The following LRRN3 variants were observed in gnomAD, a reference collection of about 807,000 sequenced individuals.
LRRN3 encodes the protein leucine-rich repeat neuronal protein 3.
Under a neutral mutation model 40.1 loss-of-function variants are expected in LRRN3, and 15 were observed. That is an observed-to-expected ratio of 0.37 (90% CI 0.25 to 0.58). The LOEUF (loss-of-function observed/expected upper bound fraction) is 0.58. LRRN3 is among the 20% of genes least tolerant of loss of function. The pLI is 0.72. For missense variants in LRRN3, 746 were observed against 837.7 expected (o/e 0.89, Z 1.35); for synonymous variants, 308 against 297.2 (o/e 1.04, Z -0.37).
rs569801545 is a variant in LRRN3 at position 111,124,787 on chromosome 7, C to T, written c.2015C>T (p.Ala672Val). 1.9e-5 allele frequency: 31 copies of T among 1,613,442 alleles called. No homozygotes were observed. Among genetic ancestry groups the T allele is most frequent in the Non-Finnish European group, 2.4e-5 (28 of 1,179,870 alleles). ...VRNYLQKPTF[A>V]LGELYPPLIN... Reference sequence around the variant, plus strand: ...AATTACTTACAGAAACCAACCTTTGCATTAGGTGAGCTTTATCCTCCTCTG... The same window carrying T: ...AATTACTTACAGAAACCAACCTTTGTATTAGGTGAGCTTTATCCTCCTCTG... The change falls in exon 3 of 3, where the codon GCA becomes GTA. Residue 672 changes from alanine to valine, a missense_variant. Coordinates refer to ENST00000308478, the MANE Select transcript of LRRN3 (RefSeq NM_001099658.2).
Position 111,122,992 on chromosome 7 carries a change from C to G in LRRN3, c.220C>G (p.Leu74Val), listed in dbSNP as rs746291660. 1 of 1,613,964 alleles carries G rather than the reference C, an allele frequency of 6.2e-7. No homozygotes were observed. The highest frequency in any genetic ancestry group is 8.5e-7 in the Non-Finnish European group (1 of 1,179,916). The change falls in exon 3 of 3, where the codon CTT (leucine) becomes GTT (valine). Residue 74 changes from leucine to valine, a missense_variant. Coordinates refer to ENST00000308478, the MANE Select transcript of LRRN3 (RefSeq NM_001099658.2). Reference sequence around the variant, plus strand: ...CAGATTGCCAGCTAACACACAGATTCTTCTCCTACAGACTAACAATATTGC... The same window carrying G: ...CAGATTGCCAGCTAACACACAGATTGTTCTCCTACAGACTAACAATATTGC... ...PARLPANTQI[L>V]LLQTNNIAKI...
chr7:111,102,229 G>A (rs931467818), intron 2 of LRRN3, among the ~76,000 whole-genome samples: 4 of 151,474 alleles, frequency 2.6e-5, no homozygotes, highest in African/African-American at 9.7e-5. Context: ...GTATTTCATA[G>A]CACATTGACT....
Position 111,124,686 on chromosome 7 carries a change from G to A in LRRN3, c.1914G>A (p.Gly638=). ...TGGCCTGTCTTGGAGGCCTTCTGGGGATTATTGGTGTGATATGTCTTATCA... is the reference window on the plus strand; with the variant it reads ...TGGCCTGTCTTGGAGGCCTTCTGGGAATTATTGGTGTGATATGTCTTATCA... ...TLMACLGGLL[G]IIGVICLISC... is the part of the protein sequence containing the mutation. Residue 638 remains glycine (G), a synonymous_variant, in exon 3 of 3, where the codon GGG becomes GGA. Coordinates refer to ENST00000308478, the MANE Select transcript of LRRN3 (RefSeq NM_001099658.2). The A allele has an allele frequency of 6.2e-7, 1 of 1,613,904 alleles. No individual in the cohort carries two copies. The highest frequency in any genetic ancestry group is 8.5e-7 in the Non-Finnish European group (1 of 1,179,942).
In LRRN3 at chr7:111,123,919, A is replaced by C; in HGVS notation, c.1147A>C (p.Lys383Gln). ...TGTCATCCGTTGGATGAACATGAAC[A>C]AAACCAACATTCGATTCATGGAGCC... is the stretch of plus-strand genomic sequence containing the variant. ...DCVIRWMNMNKTNIRFMEPDS... is the reference protein window; with the variant it reads ...DCVIRWMNMNQTNIRFMEPDS... Residue 383 changes from lysine to glutamine, a missense_variant, in exon 3 of 3, where the codon AAA (lysine) becomes CAA (glutamine). Lys to Gln is a moderately conservative substitution (Grantham distance 53). Coordinates refer to ENST00000308478, the MANE Select transcript of LRRN3 (RefSeq NM_001099658.2). This position sits in a 1 kb window ranked among gnomAD's most constrained non-coding sequence, Gnocchi z 6.4. 6.2e-7 allele frequency: 1 copy of C among 1,614,036 alleles called. No individual in the cohort carries two copies. Among genetic ancestry groups the C allele is most frequent in the Non-Finnish European group, 8.5e-7 (1 of 1,180,008 alleles).
chr7:111,108,431 G>A (rs1798793256), intron 2 of LRRN3, among the ~76,000 whole-genome samples: 1 of 151,990 alleles, frequency 6.6e-6, no homozygotes, highest in East Asian at 1.9e-4. Flanking sequence ...AAACTAATCT[G>A]TATATATTAT....
intron 2 of LRRN3, among the ~76,000 whole-genome samples, chr7:111,111,471 T>A (rs1009012188): frequency 2.0e-5 from 3 of 151,060 alleles, no homozygotes; most frequent in Admixed American, 2.0e-4. Context: ...CCCTCTCTAT[T>A]CAACACATAA....
At chr7:111,115,255 T>C (rs947922709) in intron 2 of LRRN3, among the ~76,000 whole-genome samples, 8 of 152,276 alleles carry the variant, frequency 5.3e-5, no homozygotes, top group African/African-American at 1.9e-4. Context: ...GTATATGGTG[T>C]GATGCTTATA....
At chr7:111,113,110 C>T (rs1468334518) in intron 2 of LRRN3, among the ~76,000 whole-genome samples, 2 of 151,954 alleles carry the variant, frequency 1.3e-5, no homozygotes, top group Non-Finnish European at 2.9e-5. Context: ...AGTAATGTTC[C>T]CCTCCAAAAT....
chr7:111,120,457 A>G (rs1297597342), intron 2 of LRRN3, among the ~76,000 whole-genome samples: 2 of 152,166 alleles, frequency 1.3e-5, no homozygotes, highest in African/African-American at 4.8e-5. Flanking sequence ...AACTGCCCCC[A>G]TGATTTAATT....
intron 1 of LRRN3, among the ~76,000 whole-genome samples, chr7:111,099,490 G>A (rs891694861): frequency 2.0e-5 from 3 of 151,640 alleles, no homozygotes; most frequent in East Asian, 1.9e-4. Context: ...TAGTAGAAGC[G>A]TTCTATATTA....
At chr7:111,105,086 A>G (rs1643625786) in intron 2 of LRRN3, among the ~76,000 whole-genome samples, 1 of 151,894 alleles carries the variant, frequency 6.6e-6, no homozygotes, top group Non-Finnish European at 1.5e-5. Flanking sequence ...TTTCCTTACT[A>G]AAGGTCTCAT....
intron 2 of LRRN3, among the ~76,000 whole-genome samples, chr7:111,103,238 T>A (rs1477343946): frequency 6.6e-6 from 1 of 151,686 alleles, no homozygotes; most frequent in Non-Finnish European, 1.5e-5. Context: ...TGCAGATTTA[T>A]GGTTAATAAT....
At chr7:111,097,061 A>G (rs1474722427) in intron 1 of LRRN3, 2 of 151,880 alleles carry the variant, frequency 1.3e-5, no homozygotes, top group Admixed American at 1.3e-4. Flanking sequence ...CAGCTACTCT[A>G]TTCAGGGAAG....
At chr7:111,095,198 T>C (rs761360690) in intron 1 of LRRN3, among the ~76,000 whole-genome samples, 63 of 152,082 alleles carry the variant, frequency 4.1e-4, no homozygotes, top group Non-Finnish European at 5.7e-4. Flanking sequence ...GAAAGAGACA[T>C]TAGTAGCTAG....
intron 2 of LRRN3, among the ~76,000 whole-genome samples, chr7:111,116,553 C>A (rs1162904134): frequency 1.3e-5 from 2 of 152,246 alleles, no homozygotes; most frequent in African/African-American, 2.4e-5. Context: ...CAATCCCACA[C>A]AAAATCTCTA....
intron 2 of LRRN3, among the ~76,000 whole-genome samples, chr7:111,115,770 C>T (rs890045985): frequency 6.6e-6 from 1 of 152,100 alleles, no homozygotes; most frequent in African/African-American, 2.4e-5. Context: ...CAGGTTCCAG[C>T]GATTCTCGTG....
At chr7:111,118,334 G>A (rs1256817453) in intron 2 of LRRN3, among the ~76,000 whole-genome samples, 1 of 151,992 alleles carries the variant, frequency 6.6e-6, no homozygotes, top group Non-Finnish European at 1.5e-5. Flanking sequence ...CTTTACTAAG[G>A]AAAAGTAGCT....
At chr7:111,102,668 C>T (rs1798099701) in intron 2 of LRRN3, among the ~76,000 whole-genome samples, 1 of 151,576 alleles carries the variant, frequency 6.6e-6, no homozygotes, top group East Asian at 1.9e-4. Flanking sequence ...ACAGAAATAG[C>T]AAGTTTGAAG....
At chr7:111,118,746 C>T (rs1176316934) in intron 2 of LRRN3, among the ~76,000 whole-genome samples, 2 of 152,052 alleles carry the variant, frequency 1.3e-5, no homozygotes, top group Non-Finnish European at 2.9e-5. Context: ...ATCATTTCCA[C>T]AGACTTAAGA....
Sources: allele counts gnomAD v4.1 joint callset (sites outside exome capture counted in the v4.1 genomes callset), GRCh38; gene constraint gnomAD v4.1.1; non-coding constraint Gnocchi (gnomAD v3.1); transcripts MANE v1.5; gene names NCBI Gene and HGNC (gene_info 2026-07-23, HGNC 2026-07-21).